SAMD5: variants seen among roughly 807,000 people sequenced by gnomAD.
SAMD5 encodes the protein sterile alpha motif domain-containing protein 5.
Under a neutral mutation model 11.3 loss-of-function variants are expected in SAMD5, and 13 were observed. The ratio of observed to expected loss-of-function variants is 1.15; its 90% CI spans 0.75 to 1.83. The LOEUF is 1.83. Among genes scored for constraint, SAMD5 ranks in the 40% most tolerant of loss-of-function variants. The pLI is 0.00. For synonymous variants in SAMD5, 129 were observed against 111.3 expected, an observed-to-expected ratio of 1.16 and a Z score of -1.00; for missense variants, 255 against 239.1, an observed-to-expected ratio of 1.07 and a Z score of -0.44.
intron 1 of SAMD5, among the ~76,000 whole-genome samples, chr6:147,617,933 T>C (rs144691848): frequency 5.2e-5 from 8 of 152,388 alleles, no homozygotes; most frequent in African/African-American, 1.9e-4. Context: ...AATTTTTTAA[T>C]ATTGATTCTG....
intron 1 of SAMD5, among the ~76,000 whole-genome samples, chr6:147,541,899 C>T (rs1788610833): frequency 6.6e-6 from 1 of 152,126 alleles, no homozygotes; most frequent in African/African-American, 2.4e-5. Flanking sequence ...AGACACCCCA[C>T]AATGGGGCTA....
chr6:147,902,888 CA>C, the SAMD5 span, among the ~76,000 whole-genome samples: 1 of 152,164 alleles, frequency 6.6e-6, no homozygotes, highest in South Asian at 2.1e-4. Flanking sequence ...AAGTCAGAAA[CA>C]GTGCAAAATT....
chr6:147,569,392 T>G lies in SAMD5; in HGVS notation c.*4936T>G. 1.0e-6 allele frequency: 1 copy of G among 957,484 alleles called. No homozygotes were observed. The highest frequency in any genetic ancestry group is 4.8e-5 in the South Asian group (1 of 20,670). The allele number at this position is 957,484 out of a possible 1,614,324, so 59.3% of individuals were successfully genotyped here. A position where few individuals can be genotyped will look rare whatever the true frequency, so the allele number is the denominator to read the frequency against. ...GAAAACAAGAGGCTAAATTCCATGTTAAGAGCTAAGTAGTATTTTTTTCTT... is the reference window on the plus strand; with the variant it reads ...GAAAACAAGAGGCTAAATTCCATGTGAAGAGCTAAGTAGTATTTTTTTCTT... On this transcript the variant is annotated 3_prime_UTR_variant, in exon 2 of 2. Coordinates refer to ENST00000367474, the MANE Select transcript of SAMD5 (RefSeq NM_001030060.3).
Position 147,566,082 on chromosome 6 carries a change from A to T in SAMD5, c.*1626A>T. 4 of 983,358 alleles carry T rather than the reference A, an allele frequency of 4.1e-6. No individual in the cohort carries two copies. Among genetic ancestry groups the T allele is most frequent in the Non-Finnish European group, 4.8e-6 (4 of 828,136 alleles). 60.9% of individuals were successfully genotyped at this position (983,358 alleles called of 1,614,324 possible). A position where few individuals can be genotyped will look rare whatever the true frequency, so the allele number is the denominator to read the frequency against. On this transcript the variant is annotated 3_prime_UTR_variant, in exon 2 of 2. Transcript: ENST00000367474. ...TAAGAAGGATATTAGGTTTCTAAGG[A>T]CAATTTTAACACAATACTGCTTTAA...
chr6:147,687,679 A>G (rs1323004553), intron 1 of SAMD5, among the ~76,000 whole-genome samples: 1 of 152,170 alleles, frequency 6.6e-6, no homozygotes, highest in African/African-American at 2.4e-5. Flanking sequence ...CTCTTCATTT[A>G]TAAAGGATAT....
the SAMD5 span, among the ~76,000 whole-genome samples, chr6:147,785,457 C>A: frequency 1.0e-3 from 156 of 152,228 alleles, no homozygotes; most frequent in African/African-American, 3.6e-3. Context: ...CTTCCTAAAC[C>A]CTCCTAGTTC....
intron 1 of SAMD5, among the ~76,000 whole-genome samples, chr6:147,575,840 T>G (rs917899361): frequency 6.6e-6 from 1 of 152,258 alleles, no homozygotes; most frequent in Non-Finnish European, 1.5e-5. Flanking sequence ...TTCATGGAGC[T>G]CCCTGGCTCA....
At chr6:147,943,294 TC>T in the SAMD5 span, among the ~76,000 whole-genome samples, 1 of 152,142 alleles carries the variant, frequency 6.6e-6, no homozygotes, top group Non-Finnish European at 1.5e-5. Context: ...GTTGTTTTTT[TC>T]CCCCTCAACT....
At chr6:147,620,866 G>A (rs1343002616) in intron 1 of SAMD5, among the ~76,000 whole-genome samples, 1 of 152,096 alleles carries the variant, frequency 6.6e-6, no homozygotes. Flanking sequence ...TTGAGGAATA[G>A]TTAGAAGGGA....
At chr6:147,795,515 G>T in the SAMD5 span, among the ~76,000 whole-genome samples, 3 of 148,158 alleles carry the variant, frequency 2.0e-5, no homozygotes, top group Non-Finnish European at 3.0e-5. Flanking sequence ...GAATAATGTC[G>T]CAATAAACAT....
the SAMD5 span, among the ~76,000 whole-genome samples, chr6:147,867,626 C>T: frequency 6.6e-6 from 1 of 152,174 alleles, no homozygotes; most frequent in African/African-American, 2.4e-5. Context: ...AAGGGGTCTC[C>T]TTTCTATTGC....
chr6:147,849,003 G>A, the SAMD5 span, among the ~76,000 whole-genome samples: 1 of 152,108 alleles, frequency 6.6e-6, no homozygotes, highest in Non-Finnish European at 1.5e-5. Flanking sequence ...AGGCAGTAAA[G>A]GCTGTCACAA....
the SAMD5 span, among the ~76,000 whole-genome samples, chr6:147,780,332 C>T: frequency 5.8e-4 from 88 of 151,950 alleles, no homozygotes; most frequent in Middle Eastern, 3.2e-3. Context: ...CTCAGCCTCC[C>T]AAGTAGCTTG....
intron 1 of SAMD5, among the ~76,000 whole-genome samples, chr6:147,668,282 A>C (rs1020255759): frequency 1.3e-5 from 2 of 152,160 alleles, no homozygotes; most frequent in Non-Finnish European, 2.9e-5. Flanking sequence ...ATTTATCTAC[A>C]ATATGCTTTT....
chr6:147,755,009 T>G, the SAMD5 span, among the ~76,000 whole-genome samples: 4 of 152,186 alleles, frequency 2.6e-5, no homozygotes, highest in South Asian at 8.3e-4. Context: ...CTCTCAGTTT[T>G]ATTCTTTTCG....
At chr6:147,848,236 A>T in the SAMD5 span, among the ~76,000 whole-genome samples, 1 of 152,162 alleles carries the variant, frequency 6.6e-6, no homozygotes. Context: ...CATTTGCCTC[A>T]GTTTCCTCAT....
chr6:147,671,418 A>T (rs1790793950), intron 1 of SAMD5, among the ~76,000 whole-genome samples: 1 of 152,260 alleles, frequency 6.6e-6, no homozygotes, highest in Admixed American at 6.5e-5. Context: ...AAAGCAAAGC[A>T]CAATAAAATG....
chr6:147,789,514 G>T, the SAMD5 span, among the ~76,000 whole-genome samples: 1 of 152,074 alleles, frequency 6.6e-6, no homozygotes, highest in Non-Finnish European at 1.5e-5. Flanking sequence ...TTATTGAAAA[G>T]TTGCAAAAAG....
At chr6:147,532,456 T>C (rs1788444480) in intron 1 of SAMD5, among the ~76,000 whole-genome samples, 1 of 152,240 alleles carries the variant, frequency 6.6e-6, no homozygotes, top group Non-Finnish European at 1.5e-5. Context: ...TCCAAGTTGC[T>C]GCAAAAAACA....
Sources: gnomAD v4.1 joint callset for allele counts (sites outside exome capture counted in the v4.1 genomes callset) on GRCh38, gnomAD v4.1.1 for gene constraint, MANE v1.5 for transcripts, NCBI Gene and HGNC (gene_info 2026-07-23, HGNC 2026-07-21) for gene names.